GRID1: variants seen among roughly 807,000 people sequenced by gnomAD.
The protein encoded by GRID1 is glutamate ionotropic receptor delta type subunit 1.
GRID1 carries 28 observed loss-of-function variants against 98.0 expected under a neutral mutation model. The ratio of observed to expected loss-of-function variants is 0.29; its 90% CI spans 0.21 to 0.39. The LOEUF is 0.39. Ranked by LOEUF, GRID1 falls within the 10% of genes least tolerant of loss-of-function variation. The pLI is 1.00. For synonymous variants in GRID1, 553 were observed against 538.5 expected (o/e 1.03, Z -0.37); for missense variants, 1,111 against 1,340.5 (o/e 0.83, Z 2.67).
At chr10:85,817,513 A>C (rs931729250) in intron 8 of GRID1, among the ~76,000 whole-genome samples, 5 of 152,100 alleles carry the variant, frequency 3.3e-5, no homozygotes, top group South Asian at 2.1e-4. Flanking sequence ...ATGACAGAGC[A>C]AGACTCTATC....
At chr10:85,662,661 G>C (rs56694188) in intron 12 of GRID1, among the ~76,000 whole-genome samples, 3,059 of 152,304 alleles carry the variant, frequency 0.02, 94 homozygotes, top group African/African-American at 0.068. Context: ...ACTGAGCCTT[G>C]TATGACATTT....
At chr10:86,011,150 G>T (rs1378278145) in intron 4 of GRID1, among the ~76,000 whole-genome samples, 1 of 152,170 alleles carries the variant, frequency 6.6e-6, no homozygotes, top group Non-Finnish European at 1.5e-5. Context: ...GAAATCTGGG[G>T]CTGATATTCT....
At position 85,619,991 on chromosome 10, in the gene GRID1, C is replaced by T; in HGVS notation, c.2236G>A (p.Val746Met). ...NYAFLWDVAV[V>M]EYAALTDDDC... The stretch of plus-strand genomic sequence containing the variant: ...TCATCCGTCAGGGCTGCGTATTCCA[C>T]CACGGCCACATCCCACAGGAAGGCG... The change falls in exon 14 of 16, where the codon GTG becomes ATG. Residue 746 changes from valine to methionine, a missense_variant. This residue lies in a region of GRID1 where 762 missense variants were observed against 869.1 expected (regional missense o/e 0.88). Transcript: ENST00000327946. 1.2e-6 allele frequency: 2 copies of T among 1,614,100 alleles called. No individual in the cohort carries two copies. Among genetic ancestry groups the T allele is most frequent in the Non-Finnish European group, 1.7e-6 (2 of 1,179,938 alleles).
Position 85,709,577 on chromosome 10 carries a change from T to C in GRID1, c.1997+13426A>G, listed in dbSNP as rs1841560549. Among the ~76,000 whole-genome samples the C allele has an allele frequency of 5.9e-5, 9 of 152,222 alleles. No individual in the cohort carries two copies. The South Asian group carries it at 1.9e-3, about 31-fold the overall frequency. ...TTAGTCTACCTCTTCAATTAATTTG[T>C]GTGAATAGCTTGATGAAGGACAAGT... On this transcript the variant is annotated intron_variant, in intron 12 of 15. Coordinates refer to ENST00000327946, the MANE Select transcript of GRID1 (RefSeq NM_017551.3).
chr10:86,350,215 G>A (rs1848444112), intron 2 of GRID1, among the ~76,000 whole-genome samples: 2 of 152,260 alleles, frequency 1.3e-5, no homozygotes, highest in Admixed American at 1.3e-4. Context: ...TTCAGCTTTT[G>A]TCGGGGTCCT....
chr10:85,656,431 G>A (rs1840895535), intron 12 of GRID1, among the ~76,000 whole-genome samples: 1 of 152,116 alleles, frequency 6.6e-6, no homozygotes, highest in South Asian at 2.1e-4. Context: ...CATGTCAGTT[G>A]TCTGTAGATG....
intron 2 of GRID1, among the ~76,000 whole-genome samples, chr10:86,219,438 C>T (rs912063105): frequency 8.5e-5 from 13 of 152,246 alleles, no homozygotes; most frequent in African/African-American, 3.1e-4. Context: ...CGCCGCCCCT[C>T]CCTCACTCTG....
chr10:86,133,242 G>T (rs903590819), intron 4 of GRID1, among the ~76,000 whole-genome samples: 2 of 152,168 alleles, frequency 1.3e-5, no homozygotes, highest in Non-Finnish European at 2.9e-5. Context: ...TGCCTGTTGG[G>T]CTGTGCCAGT....
At chr10:85,897,172 C>A (rs1005158076) in intron 5 of GRID1, among the ~76,000 whole-genome samples, 3 of 152,050 alleles carry the variant, frequency 2.0e-5, no homozygotes, top group Admixed American at 1.3e-4. Flanking sequence ...ATAGAAGGAG[C>A]AGAAGGAATT....
chr10:86,203,045 C>T (rs1845975910), intron 3 of GRID1, among the ~76,000 whole-genome samples: 1 of 152,170 alleles, frequency 6.6e-6, no homozygotes, highest in Non-Finnish European at 1.5e-5. Flanking sequence ...CTTTCTGAGC[C>T]TCATTTTCCT....
At chr10:85,626,648 G>T (rs1842916079) in intron 13 of GRID1, among the ~76,000 whole-genome samples, 2 of 152,156 alleles carry the variant, frequency 1.3e-5, no homozygotes, top group South Asian at 4.1e-4. Context: ...TCCTAACGAA[G>T]CAGAGTTCAG....
At chr10:85,860,478 G>A (rs1018640031) in intron 6 of GRID1, among the ~76,000 whole-genome samples, 38 of 152,314 alleles carry the variant, frequency 2.5e-4, no homozygotes, top group African/African-American at 8.9e-4. Context: ...CCAGACAGAA[G>A]CCAGGAAAAG....
intron 2 of GRID1, among the ~76,000 whole-genome samples, chr10:86,287,825 T>G (rs956708685): frequency 6.6e-6 from 1 of 151,670 alleles, no homozygotes; most frequent in Non-Finnish European, 1.5e-5. Context: ...TTGCCAGAGA[T>G]TTTCTGTGGT....
chr10:85,961,979 AAAG>A (rs1315270556), intron 4 of GRID1, among the ~76,000 whole-genome samples: 9 of 152,340 alleles, frequency 5.9e-5, no homozygotes, highest in South Asian at 2.1e-4. Flanking sequence ...GGAAGGAAGA[AAAG>A]AAGAAAATAA....
At chr10:86,264,361 C>T (rs1000472609) in intron 2 of GRID1, among the ~76,000 whole-genome samples, 2 of 152,244 alleles carry the variant, frequency 1.3e-5, no homozygotes, top group Admixed American at 1.3e-4. Context: ...GTCCTCCCTA[C>T]ATCTGTCTGC....
rs541010158 is a variant in GRID1, at chr10:85,841,383, C to A, written c.1233+13113G>T. ...TAAAGCCCCAAACTACAAAAACTCT[C>A]TAAGACAACCTAGGCAATATCATTC... is the stretch of plus-strand genomic sequence containing the variant. On this transcript the variant is annotated intron_variant, in intron 8 of 15. Coordinates refer to ENST00000327946, the MANE Select transcript of GRID1 (RefSeq NM_017551.3). 3.3e-5 allele frequency among the ~76,000 whole-genome samples: 5 copies of A among 152,054 alleles called. No individual in the cohort carries two copies. The South Asian group carries it at 1.0e-3, about 32-fold the overall frequency.
At chr10:86,068,643 C>T (rs192415174) in intron 4 of GRID1, among the ~76,000 whole-genome samples, 5 of 152,304 alleles carry the variant, frequency 3.3e-5, no homozygotes, top group East Asian at 1.9e-4. Context: ...CTACTGCCAG[C>T]GACGGTGCCT....
chr10:85,812,709 A>C (rs1334769796), intron 8 of GRID1, among the ~76,000 whole-genome samples: 3 of 151,252 alleles, frequency 2.0e-5, no homozygotes, highest in African/African-American at 7.3e-5. Context: ...TGAAAGTCAA[A>C]ACTAAACAAG....
At chr10:86,227,219 G>T (rs1846365670) in intron 2 of GRID1, among the ~76,000 whole-genome samples, 1 of 152,212 alleles carries the variant, frequency 6.6e-6, no homozygotes, top group Non-Finnish European at 1.5e-5. Flanking sequence ...GTTGAGAAAA[G>T]GAAGACGAAA....
Sources: gnomAD v4.1 joint callset for allele counts (sites outside exome capture counted in the v4.1 genomes callset) on GRCh38, gnomAD v4.1.1 for gene constraint, gnomAD v4.1.1 regional missense constraint, MANE v1.5 for transcripts, NCBI Gene and HGNC (gene_info 2026-07-23, HGNC 2026-07-21) for gene names.